Variants in KIF21A observed in about 807,000 individuals in gnomAD.
KIF21A encodes the protein kinesin family member 21A.
In KIF21A, 114 loss-of-function variants were observed where a neutral mutation model predicts 202.9. The ratio of observed to expected loss-of-function variants is 0.56; its 90% CI spans 0.48 to 0.66. The LOEUF is 0.66. Ranked by LOEUF, KIF21A falls within the 30% of genes least tolerant of loss-of-function variation. The probability of loss-of-function intolerance (pLI) is 0.00; values close to 1 mark genes in which losing one functional copy is unlikely to be tolerated. For synonymous variants in KIF21A, 667 were observed against 670.8 expected (o/e 0.99, Z 0.09); for missense variants, 1,677 against 1,994.9 (o/e 0.84, Z 3.04).
chr12:39,331,406 G>A (rs1482382682), intron 22 of KIF21A, among the ~76,000 whole-genome samples: 1 of 152,108 alleles, frequency 6.6e-6, no homozygotes, highest in Non-Finnish European at 1.5e-5. Context: ...TGCATGCTGA[G>A]AAATTTCTTC....
intron 1 of KIF21A, among the ~76,000 whole-genome samples, chr12:39,385,282 A>T (rs747980490): frequency 1.1e-4 from 16 of 152,106 alleles, no homozygotes; most frequent in Non-Finnish European, 2.4e-4. Flanking sequence ...AAGGAAGGGC[A>T]GAGAAAATAG....
chr12:39,417,092 G>A (rs1158594797), intron 1 of KIF21A, among the ~76,000 whole-genome samples: 1 of 151,628 alleles, frequency 6.6e-6, no homozygotes, highest in Non-Finnish European at 1.5e-5. Flanking sequence ...GCTAGGAATG[G>A]GGCCAGAAGA....
chr12:39,352,341 A>G (rs1243453720), intron 10 of KIF21A, among the ~76,000 whole-genome samples: 2 of 152,196 alleles, frequency 1.3e-5, no homozygotes, highest in African/African-American at 2.4e-5. Flanking sequence ...TGGCTACAAG[A>G]TAAGGATTTT....
chr12:39,438,260 G>A (rs1236108535), intron 1 of KIF21A, among the ~76,000 whole-genome samples: 1 of 152,100 alleles, frequency 6.6e-6, no homozygotes, highest in African/African-American at 2.4e-5. Flanking sequence ...TCAGTAATAA[G>A]GATACCTAAA....
rs185298552 is a variant in KIF21A at position 39,329,740 on chromosome 12, T to C, written c.3340+502A>G. On this transcript the variant is annotated intron_variant, in intron 24 of 37. Coordinates refer to ENST00000361418, the MANE Select transcript of KIF21A (RefSeq NM_001173464.2). ...GCCTGACCAATATTGTTTCAACCTG[T>C]TCAGGTAAAATCCTTTGGATAGTTT... is the stretch of plus-strand genomic sequence containing the variant. Among the ~76,000 whole-genome samples the C allele has an allele frequency of 3.9e-3, 599 of 152,270 alleles. 4 individuals are homozygous for C. The highest frequency in any genetic ancestry group is 6.5e-3 in the Non-Finnish European group (440 of 68,008).
At chr12:39,376,053 T>C (rs919375295) in intron 1 of KIF21A, among the ~76,000 whole-genome samples, 4 of 152,122 alleles carry the variant, frequency 2.6e-5, no homozygotes, top group Non-Finnish European at 5.9e-5. Flanking sequence ...AAAGAATGCA[T>C]GATTTACTCT....
chr12:39,428,714 C>A (rs958786835), intron 1 of KIF21A, among the ~76,000 whole-genome samples: 4 of 152,146 alleles, frequency 2.6e-5, no homozygotes, highest in Non-Finnish European at 5.9e-5. Flanking sequence ...AATCCCAGCA[C>A]TTTGGGAGGC....
At chr12:39,429,592 A>G (rs1450618930) in intron 1 of KIF21A, among the ~76,000 whole-genome samples, 1 of 152,216 alleles carries the variant, frequency 6.6e-6, no homozygotes, top group African/African-American at 2.4e-5. Flanking sequence ...TGTGCCAGAC[A>G]TTATTCTGAG....
rs1939885572 is a variant in KIF21A, at chr12:39,443,049, C to T, written c.-79G>A. 2 of 1,444,800 alleles carry T rather than the reference C, an allele frequency of 1.4e-6. No homozygotes were observed. Among genetic ancestry groups the T allele is most frequent in the African/African-American group, 3.0e-5 (2 of 67,410 alleles). 89.5% of individuals were successfully genotyped at this position (1,444,800 alleles called of 1,614,324 possible). On this transcript the variant is annotated 5_prime_UTR_variant, in exon 1 of 38. Transcript: ENST00000361418. ...CGCCACTGGGGCCGCGGGACTCGGGCGCAGTAGGCTGGGGCGTCTGCGGGC... is the reference window on the plus strand; with the variant it reads ...CGCCACTGGGGCCGCGGGACTCGGGTGCAGTAGGCTGGGGCGTCTGCGGGC...
chr12:39,306,419 G>A (rs962300901), intron 34 of KIF21A, among the ~76,000 whole-genome samples: 4 of 152,014 alleles, frequency 2.6e-5, no homozygotes, highest in African/African-American at 9.7e-5. Context: ...TCTTAAAAAA[G>A]TACTGTTTTT....
chr12:39,340,425 G>A, intron 15 of KIF21A, 61 bp from the exon 16 acceptor site: 1 of 1,268,472 alleles, frequency 7.9e-7, no homozygotes, highest in Non-Finnish European at 1.1e-6. Context: ...TTATTTCACA[G>A]ATTTACAGTC....
intron 29 of KIF21A, among the ~76,000 whole-genome samples, chr12:39,317,120 A>T (rs1944637365): frequency 6.6e-6 from 1 of 152,226 alleles, no homozygotes; most frequent in Non-Finnish European, 1.5e-5. Context: ...CAATGTAAAG[A>T]ACATATCTTC....
intron 1 of KIF21A, among the ~76,000 whole-genome samples, chr12:39,404,056 C>A (rs551954208): frequency 6.6e-6 from 1 of 152,196 alleles, no homozygotes; most frequent in African/African-American, 2.4e-5. Context: ...TTATCAAGCA[C>A]CCAGGAGATT....
chr12:39,422,057 C>G (rs745395241), intron 1 of KIF21A, among the ~76,000 whole-genome samples: 9 of 151,680 alleles, frequency 5.9e-5, no homozygotes, highest in Non-Finnish European at 1.0e-4. Flanking sequence ...TCCCCTAGCT[C>G]AAGCGATTCT....
At chr12:39,308,163 T>C (rs775501610) in intron 33 of KIF21A, among the ~76,000 whole-genome samples, 63 of 151,182 alleles carry the variant, frequency 4.2e-4, no homozygotes, top group Admixed American at 1.3e-3. Context: ...AGGTCAGGAG[T>C]TTGAGTCCAG....
At chr12:39,346,257 A>G (rs1947881260) in intron 12 of KIF21A, among the ~76,000 whole-genome samples, 1 of 152,094 alleles carries the variant, frequency 6.6e-6, no homozygotes, top group Admixed American at 6.6e-5. Context: ...TTTTAATTCA[A>G]GTATCTAGTG....
chr12:39,297,398 T>C (rs1411092063), intron 37 of KIF21A, among the ~76,000 whole-genome samples: 1 of 152,114 alleles, frequency 6.6e-6, no homozygotes, highest in Non-Finnish European at 1.5e-5. Flanking sequence ...CATGGAATAC[T>C]ATGCAGCCAT....
At chr12:39,436,927 A>G (rs1052862238) in intron 1 of KIF21A, among the ~76,000 whole-genome samples, 2 of 152,210 alleles carry the variant, frequency 1.3e-5, no homozygotes, top group African/African-American at 4.8e-5. Context: ...TATACAGCAA[A>G]CAAATACTAT....
At chr12:39,306,440 A>T (rs550657798) in intron 34 of KIF21A, among the ~76,000 whole-genome samples, 89 of 152,164 alleles carry the variant, frequency 5.8e-4, no homozygotes, top group African/African-American at 2.1e-3. Context: ...AATTTTCTAC[A>T]TTTTATTTAT....
Sources: allele counts gnomAD v4.1 joint callset (sites outside exome capture counted in the v4.1 genomes callset), GRCh38; gene constraint gnomAD v4.1.1; transcripts MANE v1.5; gene names NCBI Gene and HGNC (gene_info 2026-07-23, HGNC 2026-07-21).